The following FBXO42 variants were observed in gnomAD, a reference collection of about 807,000 sequenced individuals.
FBXO42 encodes the protein F-box only protein 42.
A neutral mutation model predicts 71.7 loss-of-function variants in FBXO42; 12 were observed. The ratio of observed to expected loss-of-function variants is 0.17; its 90% CI spans 0.11 to 0.27. The LOEUF (loss-of-function observed/expected upper bound fraction) is 0.27. Ranked by LOEUF, FBXO42 falls within the 10% of genes least tolerant of loss-of-function variation. FBXO42 has a pLI of 1.00. For synonymous variants in FBXO42, 325 were observed against 327.5 expected (o/e 0.99, Z 0.08); for missense variants, 707 against 911.9 (o/e 0.78, Z 2.89).
At chr1:16,341,609 TAAAAAAAAAAA>T (rs34904915) in intron 1 of FBXO42, among the ~76,000 whole-genome samples, 35,776 of 113,794 alleles carry the variant, frequency 0.31, 5,376 homozygotes, top group Non-Finnish European at 0.38. Context: ...CTGCGTCTTT[TAAAAAAAAAAA>T]AAAAAAAAAA....
At chr1:16,308,518 T>TTTG (rs1557595233) in intron 2 of FBXO42, among the ~76,000 whole-genome samples, 2 of 143,266 alleles carry the variant, frequency 1.4e-5, no homozygotes, top group Non-Finnish European at 3.0e-5. Flanking sequence ...TTTTTTCCTT[T>TTTG]AGACTGAGTC....
chr1:16,296,197 C>T (rs1338869924), intron 3 of FBXO42, among the ~76,000 whole-genome samples: 1 of 152,168 alleles, frequency 6.6e-6, no homozygotes, highest in African/African-American at 2.4e-5. Flanking sequence ...TCTTGGATTT[C>T]AGGAAGAGGC....
intron 1 of FBXO42, among the ~76,000 whole-genome samples, chr1:16,326,038 G>GTGTGTGTGTGTGTGTGTC (rs1441951943): frequency 1.2e-4 from 18 of 146,802 alleles, no homozygotes; most frequent in East Asian, 2.2e-4. Flanking sequence ...GTGTGTGTGT[G>GTGTGTGTGTGTGTGTGTC]TGTGTGTGTG....
At chr1:16,269,926 T>A (rs910085430) in intron 4 of FBXO42, among the ~76,000 whole-genome samples, 6 of 148,616 alleles carry the variant, frequency 4.0e-5, no homozygotes, top group African/African-American at 1.2e-4. Flanking sequence ...AGTGGCTCAA[T>A]CTCACTGCAA....
At chr1:16,326,143 C>T (rs901446317) in intron 1 of FBXO42, among the ~76,000 whole-genome samples, 57 of 151,098 alleles carry the variant, frequency 3.8e-4, no homozygotes, top group African/African-American at 1.3e-3. Flanking sequence ...GCAACCTCCA[C>T]CTCCTGAGTT....
At chr1:16,255,205 A>AT (rs2081627613) in intron 6 of FBXO42, among the ~76,000 whole-genome samples, 1 of 152,234 alleles carries the variant, frequency 6.6e-6, no homozygotes, top group Admixed American at 6.5e-5. Context: ...GAGATTCTAT[A>AT]TAACTATGAT....
At position 16,259,137 on chromosome 1, in the gene FBXO42, T is replaced by A. The variant is rs568458206; in HGVS notation, c.503-2378A>T. ...AGAATAGTGATTAAAGAGGCTGTTG[T>A]CTTTCATATAGCCTTACTGTTCCTG... On this transcript the variant is annotated intron_variant, in intron 4 of 9. Coordinates refer to ENST00000375592, the MANE Select transcript of FBXO42 (RefSeq NM_018994.3). Among the ~76,000 whole-genome samples the A allele has an allele frequency of 3.3e-5, 5 of 152,238 alleles. No homozygotes were observed. The South Asian group carries it at 1.0e-3, about 31-fold the overall frequency.
intron 1 of FBXO42, among the ~76,000 whole-genome samples, chr1:16,348,417 C>T (rs1402281568): frequency 3.9e-5 from 6 of 151,948 alleles, no homozygotes; most frequent in Admixed American, 6.6e-5. Context: ...TAGTGTAATT[C>T]GTCGGGAGCG....
chr1:16,304,117 T>C (rs1396843676), intron 3 of FBXO42, among the ~76,000 whole-genome samples: 2 of 149,322 alleles, frequency 1.3e-5, no homozygotes, highest in East Asian at 4.0e-4. Flanking sequence ...ATTTGTATTT[T>C]TTTTTTTTTT....
intron 1 of FBXO42, among the ~76,000 whole-genome samples, chr1:16,329,036 G>A (rs962358577): frequency 1.3e-4 from 20 of 151,814 alleles, no homozygotes; most frequent in African/African-American, 4.6e-4. Context: ...GGTGGCGGGT[G>A]CCTGTAATCC....
intron 2 of FBXO42, 150 bp from the exon 3 acceptor site, chr1:16,306,069 T>A: frequency 1.7e-6 from 1 of 598,522 alleles, no homozygotes; most frequent in African/African-American, 1.9e-5. Flanking sequence ...GTCGCCCAGG[T>A]TGGAGTGCAG....
chr1:16,261,406 A>C (rs751309965), intron 4 of FBXO42, among the ~76,000 whole-genome samples: 28 of 152,218 alleles, frequency 1.8e-4, no homozygotes, highest in Non-Finnish European at 4.0e-4. Context: ...TAGAAAGGCA[A>C]AATCTTTCCC....
chr1:16,336,732 C>T (rs897889363), intron 1 of FBXO42, among the ~76,000 whole-genome samples: 1 of 151,466 alleles, frequency 6.6e-6, no homozygotes, highest in Admixed American at 6.6e-5. Context: ...GCCTATAATC[C>T]CAACACTTTG....
rs536136712 is a variant in FBXO42, at chr1:16,255,562, T to C, written c.767+149A>G. ...GTTCGCCATGCTGGTCACAAACTCC[T>C]GACCTCAGGTGATCCACCCACCTTG... is the stretch of plus-strand genomic sequence containing the variant. On this transcript the variant is annotated intron_variant, in intron 6 of 9. Coordinates refer to ENST00000375592, the MANE Select transcript of FBXO42 (RefSeq NM_018994.3). 3.1e-5 allele frequency: 19 copies of C among 606,246 alleles called. No individual in the cohort carries two copies. The African/African-American group carries it at 3.5e-4, about 11-fold the overall frequency. 37.6% of individuals were successfully genotyped at this position (606,246 alleles called of 1,614,324 possible).
chr1:16,329,996 A>G (rs1005809424), intron 1 of FBXO42, among the ~76,000 whole-genome samples: 3 of 152,194 alleles, frequency 2.0e-5, no homozygotes, highest in African/African-American at 7.2e-5. Context: ...AGATTTCCAA[A>G]TAATTCGTGT....
chr1:16,257,684 T>C (rs947077092), intron 4 of FBXO42, among the ~76,000 whole-genome samples: 1 of 151,570 alleles, frequency 6.6e-6, no homozygotes, highest in African/African-American at 2.4e-5. Context: ...ACCAGAATAC[T>C]TTTTTTTTCC....
chr1:16,290,936 T>C (rs1017274243), intron 4 of FBXO42, among the ~76,000 whole-genome samples: 3 of 152,172 alleles, frequency 2.0e-5, no homozygotes, highest in Admixed American at 6.6e-5. Flanking sequence ...AGGAGAATGC[T>C]CTAATCTCAT....
intron 1 of FBXO42, among the ~76,000 whole-genome samples, chr1:16,344,578 T>G (rs1338754296): frequency 6.0e-5 from 9 of 149,674 alleles, no homozygotes. Flanking sequence ...TCAGGTGATC[T>G]GCCCACCTCA....
At chr1:16,341,163 G>A (rs2082600996) in intron 1 of FBXO42, among the ~76,000 whole-genome samples, 1 of 151,984 alleles carries the variant, frequency 6.6e-6, no homozygotes, top group African/African-American at 2.4e-5. Context: ...TTGCATAAGA[G>A]AAAAAAAGAA....
Sources: gnomAD v4.1 joint callset for allele counts (sites outside exome capture counted in the v4.1 genomes callset) on GRCh38, gnomAD v4.1.1 for gene constraint, MANE v1.5 for transcripts, NCBI Gene and HGNC (gene_info 2026-07-23, HGNC 2026-07-21) for gene names.